Variants in IGF2R observed in about 807,000 individuals in gnomAD.
IGF2R encodes cation-independent mannose-6-phosphate receptor.
In IGF2R, 91 loss-of-function variants were observed where a neutral mutation model predicts 270.6. The ratio of observed to expected loss-of-function variants is 0.34; its 90% CI spans 0.28 to 0.40. The LOEUF (loss-of-function observed/expected upper bound fraction) is 0.40, where lower values mean the gene tolerates loss of function less well. Ranked by LOEUF, IGF2R falls within the 10% of genes least tolerant of loss-of-function variation. The pLI is 1.00. For missense variants in IGF2R, 2,805 were observed against 3,188.3 expected, an observed-to-expected ratio of 0.88 and a Z score of 2.90; for synonymous variants, 1,316 against 1,258.9, an observed-to-expected ratio of 1.05 and a Z score of -0.96.
At chr6:160,081,800 A>G (rs1195231914) in intron 39 of IGF2R, among the ~76,000 whole-genome samples, 1 of 152,248 alleles carries the variant, frequency 6.6e-6, no homozygotes, top group Non-Finnish European at 1.5e-5. Context: ...TAAGAGAAAT[A>G]TGGCTCTGTC....
In IGF2R at chr6:159,969,235, G is replaced by A. The variant is rs1783567604; in HGVS notation, c.-12G>A. The A allele has an allele frequency of 1.0e-6, 1 of 1,002,146 alleles. No individual in the cohort carries two copies. 62.1% of individuals were successfully genotyped at this position (1,002,146 alleles called of 1,614,324 possible). A position where few individuals can be genotyped will look rare whatever the true frequency, so the allele number is the denominator to read the frequency against. ...TAGCCTCGCGCCCGCCGCGCAGTCC[G>A]GGCCCGGCGCGATGGGGGCCGCCGC... On this transcript the variant is annotated 5_prime_UTR_variant, in exon 1 of 48. Transcript: ENST00000356956.
At chr6:160,076,691 T>G (rs1778862172) in intron 36 of IGF2R, among the ~76,000 whole-genome samples, 1 of 152,226 alleles carries the variant, frequency 6.6e-6, no homozygotes, top group Non-Finnish European at 1.5e-5. Flanking sequence ...CAGCCTGTCG[T>G]CTGTGCTTCT....
Position 160,102,188 on chromosome 6 carries a change from T to C in IGF2R, c.6843-331T>C, listed in dbSNP as rs910015745. Among the ~76,000 whole-genome samples, 2 of 152,220 alleles carry C rather than the reference T, an allele frequency of 1.3e-5. No individual in the cohort carries two copies. Among genetic ancestry groups the C allele is most frequent in the Non-Finnish European group, 2.9e-5 (2 of 68,040 alleles). ...CTTCGGGACAGCCTCTGCCCCAGCC[T>C]AGTCCTGCCGTGGATTGGGCCACCT... On this transcript the variant is annotated intron_variant, in intron 45 of 47. Transcript: ENST00000356956. This position sits in a 1 kb window ranked among gnomAD's most constrained non-coding sequence, Gnocchi z 4.5.
chr6:160,080,655 C>T (rs998578121), intron 39 of IGF2R, among the ~76,000 whole-genome samples: 7 of 151,940 alleles, frequency 4.6e-5, no homozygotes, highest in East Asian at 1.9e-4. Context: ...GTAAACCAGG[C>T]GACTCATTTA....
rs1778350423 is a variant in IGF2R at position 160,058,021 on chromosome 6, A to T, written c.2797-2A>T. 1 of 1,604,542 alleles carries T rather than the reference A, an allele frequency of 6.2e-7. No individual in the cohort carries two copies. Among genetic ancestry groups the T allele is most frequent in the African/African-American group, 1.3e-5 (1 of 74,734 alleles). On this transcript the variant is annotated splice_acceptor_variant, in intron 20 of 47. Coordinates refer to ENST00000356956, the MANE Select transcript of IGF2R (RefSeq NM_000876.4). LOFTEE classifies it high-confidence loss of function. ...CCTTTTTCCCCATTTTGTTTCCTGT[A>T]GGCTTGCTCTATAAGGGATCCCAAC...
chr6:160,103,851 T>TC (rs1283939717), intron 47 of IGF2R, 36 bp downstream of exon 47: 3 of 1,410,612 alleles, frequency 2.1e-6, no homozygotes, highest in Non-Finnish European at 3.0e-6. Context: ...AAGGCCTGCC[T>TC]CCCCGGCCCC....
intron 10 of IGF2R, among the ~76,000 whole-genome samples, chr6:160,037,423 G>C (rs1383656531): frequency 6.6e-6 from 1 of 152,178 alleles, no homozygotes; most frequent in African/African-American, 2.4e-5. Context: ...AGAGTTTTTG[G>C]AGAATATCCC....
chr6:160,051,292 T>C (rs1417541071), intron 19 of IGF2R, among the ~76,000 whole-genome samples: 2 of 152,234 alleles, frequency 1.3e-5, no homozygotes, highest in East Asian at 3.9e-4. Context: ...CTTTGGAGCC[T>C]GAATGAGGAA....
chr6:160,104,656 G>A lies in IGF2R; in HGVS notation c.7066-18G>A. 6.2e-7 allele frequency: 1 copy of A among 1,603,034 alleles called. No individual in the cohort carries two copies. The highest frequency in any genetic ancestry group is 8.5e-7 in the Non-Finnish European group (1 of 1,174,174). Reference sequence around the variant, plus strand: ...CTCTTAGGGGGCTCACGTGGTCTCTGCTGTTGATCCCTGGCAGGTGAATAA... The same window carrying A: ...CTCTTAGGGGGCTCACGTGGTCTCTACTGTTGATCCCTGGCAGGTGAATAA... On this transcript the variant is annotated intron_variant, in intron 47 of 47. Coordinates refer to ENST00000356956, the MANE Select transcript of IGF2R (RefSeq NM_000876.4).
chr6:160,088,543 A>G (rs1779145235), intron 42 of IGF2R, among the ~76,000 whole-genome samples: 1 of 152,192 alleles, frequency 6.6e-6, no homozygotes, highest in East Asian at 1.9e-4. Context: ...CTTGGATTAT[A>G]TTCAAGTTTT....
At chr6:160,023,243 G>A (rs1266213808) in intron 4 of IGF2R, among the ~76,000 whole-genome samples, 1 of 152,068 alleles carries the variant, frequency 6.6e-6, no homozygotes, top group Non-Finnish European at 1.5e-5. Flanking sequence ...TAGTCTGAAG[G>A]GAGAGCTGGC....
intron 1 of IGF2R, among the ~76,000 whole-genome samples, chr6:159,973,837 C>T (rs1032022701): frequency 4.6e-5 from 7 of 152,166 alleles, no homozygotes; most frequent in Non-Finnish European, 7.3e-5. Flanking sequence ...TGTTCCCTTC[C>T]CTATTTTGAT....
chr6:160,042,801 T>C (rs1389551246), intron 11 of IGF2R, among the ~76,000 whole-genome samples: 4 of 152,216 alleles, frequency 2.6e-5, no homozygotes, highest in Non-Finnish European at 5.9e-5. Context: ...CTCTACTGCG[T>C]CCCAAGACAC....
At chr6:160,090,206 A>T (rs1779188227) in intron 44 of IGF2R, 103 bp downstream of exon 44, 1 of 776,758 alleles carries the variant, frequency 1.3e-6, no homozygotes, top group African/African-American at 1.8e-5. Flanking sequence ...GACCACTTTT[A>T]AAACAAAAAC....
chr6:159,973,677 T>C (rs1362508550), intron 1 of IGF2R, among the ~76,000 whole-genome samples: 1 of 152,224 alleles, frequency 6.6e-6, no homozygotes, highest in African/African-American at 2.4e-5. Context: ...TTGTTAATTA[T>C]GGTTACATTA....
chr6:160,073,287 C>T lies in IGF2R; in HGVS notation c.4765C>T (p.Gln1589Ter). The T allele has an allele frequency of 6.2e-7, 1 of 1,614,236 alleles. No homozygotes were observed. The change falls in exon 34 of 48, where the codon CAG becomes TAG. Residue 1589 changes from glutamine (Q) to a stop codon, truncating the protein, a stop_gained. Transcript: ENST00000356956. LOFTEE classifies it high-confidence loss of function. ...GCTGAGATACGTGGACCAGGTCCTG[C>T]AGCTGGTGTACAAGGATGGGTCCCC... ...KRLRYVDQVL[Q>*]LVYKDGSPCP...
Position 160,010,722 on chromosome 6 carries a change from G to A in IGF2R, c.450G>A (p.Val150=). Residue 150 remains valine (V), a synonymous_variant, in exon 4 of 48, where the codon GTG becomes GTA. Transcript: ENST00000356956. ...AATTTGTAACTGCAACAGAATGTGT[G>A]CACTACTTTGAGTGGAGGACCACTG... ...TPEFVTATEC[V]HYFEWRTTAA... is the part of the protein sequence containing the mutation. The A allele has an allele frequency of 6.2e-7, 1 of 1,611,816 alleles. No individual in the cohort carries two copies. The highest frequency in any genetic ancestry group is 1.3e-5 in the African/African-American group (1 of 74,940).
intron 41 of IGF2R, among the ~76,000 whole-genome samples, 167 bp from the exon 42 acceptor site, chr6:160,087,866 G>T (rs182722539): frequency 1.2e-4 from 18 of 152,264 alleles, no homozygotes; most frequent in Admixed American, 8.5e-4. Context: ...AGTAGAGACG[G>T]GGTTTCACCA....
At position 159,994,129 on chromosome 6, in the gene IGF2R, C is replaced by G. The variant is rs114212780; in HGVS notation, c.289+2806C>G. On this transcript the variant is annotated intron_variant, in intron 2 of 47. Transcript: ENST00000356956. ...GATTTTTAAAGTACTGATTCAATCTCACTCCTTTTTACTGGTCTTTTCAGG... is the reference window on the plus strand; with the variant it reads ...GATTTTTAAAGTACTGATTCAATCTGACTCCTTTTTACTGGTCTTTTCAGG... 9.0e-3 allele frequency among the ~76,000 whole-genome samples: 1,353 copies of G among 150,544 alleles called. 28 individuals carry two copies. Among genetic ancestry groups the G allele is most frequent in the African/African-American group, 0.032 (1,309 of 41,076 alleles).
Sources: allele counts gnomAD v4.1 joint callset (sites outside exome capture counted in the v4.1 genomes callset), GRCh38; gene constraint gnomAD v4.1.1; non-coding constraint Gnocchi (gnomAD v3.1); transcripts MANE v1.5; gene names NCBI Gene and HGNC (gene_info 2026-07-23, HGNC 2026-07-21).